The following GSE1 variants were observed in gnomAD, a reference collection of about 807,000 sequenced individuals.
GSE1 encodes the protein Gse1 coiled-coil protein.
Under a neutral mutation model 112.6 loss-of-function variants are expected in GSE1, and 32 were observed. The ratio of observed to expected loss-of-function variants is 0.28; its 90% confidence interval spans 0.21 to 0.38. The LOEUF is 0.38. GSE1 is among the 10% of genes least tolerant of loss of function. The probability of loss-of-function intolerance (pLI) is 1.00; values close to 1 mark genes in which losing one functional copy is unlikely to be tolerated. For synonymous variants in GSE1, 1,115 were observed against 735.6 expected (o/e 1.52, Z -8.35); for missense variants, 2,348 against 1,699.2 (o/e 1.38, Z -6.71).
intron 1 of GSE1, among the ~76,000 whole-genome samples, chr16:85,262,668 C>T (rs1385024246): frequency 6.6e-6 from 1 of 152,182 alleles, no homozygotes. Context: ...CTGGATTTAG[C>T]AATCAGACCA....
intron 2 of GSE1, among the ~76,000 whole-genome samples, chr16:85,505,798 C>G (rs772324262): frequency 2.0e-5 from 3 of 152,052 alleles, no homozygotes; most frequent in Non-Finnish European, 4.4e-5. Flanking sequence ...GCCAGGAGTT[C>G]AAGACCAGCT....
chr16:85,501,850 C>T (rs559332122), intron 2 of GSE1, among the ~76,000 whole-genome samples: 1 of 152,382 alleles, frequency 6.6e-6, no homozygotes, highest in African/African-American at 2.4e-5. Context: ...GCCTCCACCC[C>T]TCATTCTACA....
At chr16:85,653,948 G>C (rs903532573) in intron 3 of GSE1, among the ~76,000 whole-genome samples, 40 of 152,142 alleles carry the variant, frequency 2.6e-4, no homozygotes, top group African/African-American at 8.7e-4. Context: ...AGGGGTGGAG[G>C]CAGGAGCCCC....
chr16:85,654,348 A>C lies in GSE1; in HGVS notation c.497A>C (p.Lys166Thr), dbSNP rs748463092. 6.2e-7 allele frequency: 1 copy of C among 1,612,026 alleles called. No individual in the cohort carries two copies. Among genetic ancestry groups the C allele is most frequent in the Admixed American group, 1.7e-5 (1 of 59,966 alleles). The change falls in exon 4 of 16, where the codon AAG becomes ACG. Residue 166 changes from lysine to threonine, a missense_variant. By Grantham distance (78) the Lys-to-Thr change is moderately conservative (BLOSUM62 -1). Transcript: ENST00000253458. ...LIVEPPLPQEKAGGPAIPSHL... is the reference protein window; with the variant it reads ...LIVEPPLPQETAGGPAIPSHL... ...GTGGAGCCCCCGCTCCCTCAGGAGAAGGCAGGGGGACCAGCCATCCCCTCG... is the reference window on the plus strand; with the variant it reads ...GTGGAGCCCCCGCTCCCTCAGGAGACGGCAGGGGGACCAGCCATCCCCTCG...
chr16:85,333,435 C>T (rs1321967416), intron 1 of GSE1, among the ~76,000 whole-genome samples: 1 of 152,210 alleles, frequency 6.6e-6, no homozygotes, highest in African/African-American at 2.4e-5. Context: ...TCCTCCTTGT[C>T]TCTCCTGCCG....
chr16:85,170,590 C>G (rs1000562954), exon 1 of GSE1: 5 of 985,450 alleles, frequency 5.1e-6, no homozygotes, highest in Non-Finnish European at 6.0e-6. Context: ...CCCCCGGGCT[C>G]TCCAGGACAG....
chr16:85,534,827 G>C (rs2044269906), intron 2 of GSE1, among the ~76,000 whole-genome samples: 1 of 152,154 alleles, frequency 6.6e-6, no homozygotes, highest in South Asian at 2.1e-4. Flanking sequence ...TGCGTGTATT[G>C]ATAGCCTGTT....
intron 2 of GSE1, among the ~76,000 whole-genome samples, chr16:85,645,009 C>T (rs2050736985): frequency 6.6e-6 from 1 of 151,968 alleles, no homozygotes; most frequent in African/African-American, 2.4e-5. Flanking sequence ...GGGCTGAGGC[C>T]TGTTCTCCTG....
At chr16:85,491,950 C>T (rs1436050866) in intron 2 of GSE1, among the ~76,000 whole-genome samples, 3 of 152,166 alleles carry the variant, frequency 2.0e-5, no homozygotes, top group Admixed American at 1.3e-4. Context: ...TCCCTGTCCC[C>T]GCCTGGTGCT....
At chr16:85,433,241 C>T (rs1414638871) in intron 2 of GSE1, among the ~76,000 whole-genome samples, 1 of 152,052 alleles carries the variant, frequency 6.6e-6, no homozygotes, top group African/African-American at 2.4e-5. Flanking sequence ...TTCATTTAAT[C>T]TTCATAAGAA....
chr16:85,560,029 A>G (rs1242648917), intron 1 of GSE1, among the ~76,000 whole-genome samples: 6 of 151,818 alleles, frequency 4.0e-5, no homozygotes, highest in African/African-American at 1.5e-4. Context: ...TTGTCGAGTG[A>G]TAACTGTAAT....
chr16:85,401,388 G>C (rs926330377), intron 2 of GSE1, among the ~76,000 whole-genome samples: 11 of 152,174 alleles, frequency 7.2e-5, no homozygotes, highest in Non-Finnish European at 1.2e-4. Flanking sequence ...CCAGGGGTGG[G>C]GGCAGAAAGA....
In GSE1 at chr16:85,662,064, G is replaced by A. The variant is rs192655792; in HGVS notation, c.2260+299G>A. 7.9e-5 allele frequency among the ~76,000 whole-genome samples: 12 copies of A among 152,322 alleles called. No homozygotes were observed. In the East Asian group the frequency reaches 1.9e-3, roughly 24 times the overall value. ...CATGATGAATAAGTGATGAGCGGAGGCTAATAAGATAGTTTTAAATATTAA... is the reference window on the plus strand; with the variant it reads ...CATGATGAATAAGTGATGAGCGGAGACTAATAAGATAGTTTTAAATATTAA... On this transcript the variant is annotated intron_variant, in intron 9 of 15. Coordinates refer to ENST00000253458, the MANE Select transcript of GSE1 (RefSeq NM_014615.5).
intron 1 of GSE1, among the ~76,000 whole-genome samples, chr16:85,598,971 C>T (rs1458785462): frequency 6.6e-6 from 1 of 152,202 alleles, no homozygotes; most frequent in Non-Finnish European, 1.5e-5. Flanking sequence ...TGCTCCATAC[C>T]CTCCTCTCTC....
At chr16:85,639,942 C>G (rs2050306558) in intron 2 of GSE1, among the ~76,000 whole-genome samples, 1 of 152,112 alleles carries the variant, frequency 6.6e-6, no homozygotes, top group Non-Finnish European at 1.5e-5. Context: ...ACAGGCAGCA[C>G]CTGGGACCAG....
At position 85,503,036 on chromosome 16, in the gene GSE1, T is replaced by A. The variant is rs191961413; in HGVS notation, c.2465-130878T>A. Among the ~76,000 whole-genome samples, 3 of 152,232 alleles carry A rather than the reference T, an allele frequency of 2.0e-5. No individual in the cohort carries two copies. In the East Asian group the frequency reaches 5.8e-4, roughly 29 times the overall value. ...CCCCATGAGGAGACCACACTGAGCT[T>A]GTATTTGAGGAAAGACAGTGGCAGG... On this transcript the variant is annotated intron_variant, in intron 2 of 2. Coordinates refer to the GSE1 transcript ENST00000637419.
chr16:85,273,661 A>T lies in GSE1; in HGVS notation c.2284-83802A>T, dbSNP rs1413258081. Among the ~76,000 whole-genome samples, 59 of 152,034 alleles carry T rather than the reference A, an allele frequency of 3.9e-4. 2 individuals are homozygous for T. Among genetic ancestry groups the T allele is most frequent in the Admixed American group, 3.8e-3 (58 of 15,266 alleles). Reference sequence around the variant, plus strand: ...GCCAGGGGCTGGGAGGAGGAAGAAGAGGAGTGACTGCTCATGGGCATGGGG... The same window carrying T: ...GCCAGGGGCTGGGAGGAGGAAGAAGTGGAGTGACTGCTCATGGGCATGGGG... On this transcript the variant is annotated intron_variant, in intron 1 of 2. Coordinates refer to the GSE1 transcript ENST00000637419.
At chr16:85,193,617 G>C (rs1453403357) in intron 1 of GSE1, among the ~76,000 whole-genome samples, 1 of 152,022 alleles carries the variant, frequency 6.6e-6, no homozygotes, top group African/African-American at 2.4e-5. Context: ...CCGCCACCAT[G>C]CCTGACTAAT....
intron 2 of GSE1, among the ~76,000 whole-genome samples, chr16:85,404,397 C>G (rs865933316): frequency 1.6e-3 from 5 of 3,212 alleles, no homozygotes; most frequent in Non-Finnish European, 1.9e-3. Context: ...TACACTCAGG[C>G]CCCCTGGATA....
Sources: gnomAD v4.1 joint callset for allele counts (sites outside exome capture counted in the v4.1 genomes callset) on GRCh38, gnomAD v4.1.1 for gene constraint, MANE v1.5 for transcripts, NCBI Gene and HGNC (gene_info 2026-07-23, HGNC 2026-07-21) for gene names.